THSD4: variants seen among roughly 807,000 people sequenced by gnomAD.
THSD4 encodes the protein thrombospondin type-1 domain-containing protein 4.
A neutral mutation model predicts 119.0 loss-of-function variants in THSD4; 69 were observed. The ratio of observed to expected loss-of-function variants is 0.58; its 90% CI spans 0.48 to 0.71. The LOEUF (loss-of-function observed/expected upper bound fraction) is 0.71, where lower values mean the gene tolerates loss of function less well. Among genes scored for constraint, THSD4 ranks in the 30% least tolerant of loss-of-function variants. The pLI is 0.00. For missense variants in THSD4, 1,393 were observed against 1,391.1 expected, an observed-to-expected ratio of 1.00 and a Z score of -0.02; for synonymous variants, 524 against 540.4, an observed-to-expected ratio of 0.97 and a Z score of 0.42.
intron 2 of THSD4, among the ~76,000 whole-genome samples, chr15:71,154,007 C>A (rs2040752178): frequency 6.6e-6 from 1 of 152,172 alleles, no homozygotes; most frequent in Non-Finnish European, 1.5e-5. Flanking sequence ...CTCAGAGGAG[C>A]TGCATTCCAG....
chr15:71,624,255 A>C (rs8026339), intron 7 of THSD4, among the ~76,000 whole-genome samples: 150,439 of 152,336 alleles, frequency 0.99, 74,308 homozygotes, highest in Middle Eastern at 1. Flanking sequence ...CAGTGAGAAC[A>C]CTTGAGCAAA....
At chr15:71,667,484 G>A (rs74336634) in intron 8 of THSD4, among the ~76,000 whole-genome samples, 2,379 of 152,266 alleles carry the variant, frequency 0.016, 53 homozygotes, top group African/African-American at 0.055. Context: ...GATTGTCATA[G>A]AGTTTTAGAC....
chr15:71,488,801 G>A (rs530989801), intron 7 of THSD4, among the ~76,000 whole-genome samples: 2 of 152,154 alleles, frequency 1.3e-5, no homozygotes, highest in African/African-American at 2.4e-5. Flanking sequence ...CCCCTTTCCC[G>A]ATTAAGTTAG....
intron 7 of THSD4, among the ~76,000 whole-genome samples, chr15:71,515,191 A>G (rs557763090): frequency 2.0e-4 from 30 of 152,330 alleles, no homozygotes; most frequent in African/African-American, 7.2e-4. Flanking sequence ...TAACAGGTGG[A>G]CTATAACTTT....
chr15:71,204,188 G>A (rs574010249), intron 3 of THSD4, among the ~76,000 whole-genome samples: 1 of 152,292 alleles, frequency 6.6e-6, no homozygotes, highest in South Asian at 2.1e-4. Flanking sequence ...CATGCCCTGT[G>A]TTATTTTCTA....
chr15:71,267,618 A>G (rs2044478281), intron 6 of THSD4, among the ~76,000 whole-genome samples: 1 of 152,104 alleles, frequency 6.6e-6, no homozygotes, highest in African/African-American at 2.4e-5. Context: ...AACAATATTA[A>G]TCTTAAATGT....
intron 7 of THSD4, among the ~76,000 whole-genome samples, chr15:71,438,489 A>G (rs1315177030): frequency 6.6e-6 from 1 of 152,120 alleles, no homozygotes; most frequent in East Asian, 1.9e-4. Flanking sequence ...CTGTGTTTTT[A>G]CATTTTTACC....
intron 8 of THSD4, among the ~76,000 whole-genome samples, chr15:71,672,561 G>T (rs889791232): frequency 6.6e-6 from 1 of 152,166 alleles, no homozygotes; most frequent in Non-Finnish European, 1.5e-5. Flanking sequence ...TCCCTGTCTT[G>T]TGCCAGTTTT....
intron 7 of THSD4, among the ~76,000 whole-genome samples, chr15:71,645,993 A>G (rs1169252994): frequency 1.3e-5 from 2 of 152,154 alleles, no homozygotes; most frequent in Admixed American, 6.5e-5. Context: ...GGCATCTGCT[A>G]TTCACTACCA....
chr15:71,388,964 AT>A (rs1260139689), intron 6 of THSD4, among the ~76,000 whole-genome samples: 1 of 151,876 alleles, frequency 6.6e-6, no homozygotes, highest in Non-Finnish European at 1.5e-5. Context: ...GTCTCATGAG[AT>A]TTGATGGTTT....
intron 8 of THSD4, among the ~76,000 whole-genome samples, chr15:71,725,521 A>G (rs1470952327): frequency 6.6e-6 from 1 of 152,198 alleles, no homozygotes; most frequent in Non-Finnish European, 1.5e-5. Flanking sequence ...TGAGACAGAA[A>G]AGAAAACAGA....
chr15:71,105,303 G>A (rs890932376), intron 1 of THSD4, among the ~76,000 whole-genome samples: 10 of 152,182 alleles, frequency 6.6e-5, no homozygotes, highest in South Asian at 2.1e-4. Flanking sequence ...CCATTTACTC[G>A]TTTATTATAA....
intron 7 of THSD4, among the ~76,000 whole-genome samples, chr15:71,487,463 C>T (rs190587617): frequency 7.9e-5 from 12 of 152,204 alleles, no homozygotes; most frequent in East Asian, 5.8e-4. Flanking sequence ...TTCTAAGTCT[C>T]GGGATATATA....
At chr15:71,718,339 G>A (rs2052649314) in intron 8 of THSD4, among the ~76,000 whole-genome samples, 1 of 152,132 alleles carries the variant, frequency 6.6e-6, no homozygotes, top group African/African-American at 2.4e-5. Context: ...CTGAAGGGCA[G>A]ACATAGTCCT....
chr15:71,568,388 G>C (rs1257504497), intron 7 of THSD4, among the ~76,000 whole-genome samples: 1 of 152,034 alleles, frequency 6.6e-6, no homozygotes, highest in East Asian at 1.9e-4. Flanking sequence ...GGTCCTTGAA[G>C]GCCAAGTAGG....
intron 6 of THSD4, among the ~76,000 whole-genome samples, chr15:71,394,397 T>C (rs1277611113): frequency 6.7e-6 from 1 of 150,372 alleles, no homozygotes; most frequent in Admixed American, 6.7e-5. Context: ...CTCAGCCTCC[T>C]GAGTAGCTGG....
intron 1 of THSD4, among the ~76,000 whole-genome samples, chr15:71,137,086 C>A (rs1446117362): frequency 1.3e-5 from 2 of 152,166 alleles, no homozygotes; most frequent in Non-Finnish European, 2.9e-5. Context: ...GAAGGTGGGG[C>A]CTCCATCTCC....
At chr15:71,400,333 C>G (rs544740682) in intron 6 of THSD4, among the ~76,000 whole-genome samples, 4 of 152,200 alleles carry the variant, frequency 2.6e-5, no homozygotes, top group Admixed American at 1.3e-4. Context: ...AGTCTCACCC[C>G]TCTTCTGACT....
intron 3 of THSD4, among the ~76,000 whole-genome samples, chr15:71,198,535 C>A (rs978432841): frequency 1.3e-5 from 2 of 152,254 alleles, no homozygotes; most frequent in Non-Finnish European, 2.9e-5. Flanking sequence ...ACTCTCTCCT[C>A]TTCCTAGTTG....
Sources: allele counts gnomAD v4.1 joint callset (sites outside exome capture counted in the v4.1 genomes callset), GRCh38; gene constraint gnomAD v4.1.1; transcripts MANE v1.5; gene names NCBI Gene and HGNC (gene_info 2026-07-23, HGNC 2026-07-21).